Variants in CDH18 observed in about 807,000 individuals in gnomAD.
The protein encoded by CDH18 is cadherin 18, also known as cadherin-18.
A neutral mutation model predicts 67.9 loss-of-function variants in CDH18; 31 were observed. The ratio of observed to expected loss-of-function variants is 0.46; its 90% CI spans 0.34 to 0.62. The LOEUF is 0.62. Ranked by LOEUF, CDH18 falls within the 20% of genes least tolerant of loss-of-function variation. The pLI, the probability that CDH18 is intolerant of heterozygous loss-of-function variation, is 0.01. For missense variants in CDH18, 890 were observed against 975.5 expected (o/e 0.91, Z 1.17); for synonymous variants, 362 against 347.2 (o/e 1.04, Z -0.48).
At chr5:19,880,612 A>G (rs1291110578) in intron 2 of CDH18, among the ~76,000 whole-genome samples, 3 of 152,124 alleles carry the variant, frequency 2.0e-5, no homozygotes, top group Admixed American at 2.0e-4. Context: ...CAAGAGATCA[A>G]TTTGGTGTAA....
chr5:19,589,510 C>T (rs1432064303), intron 7 of CDH18, among the ~76,000 whole-genome samples: 1 of 152,064 alleles, frequency 6.6e-6, no homozygotes, highest in Non-Finnish European at 1.5e-5. Context: ...TCCACATCCT[C>T]ATCCATTAAT....
chr5:19,621,008 T>A (rs1036568085), intron 5 of CDH18, among the ~76,000 whole-genome samples: 4 of 152,110 alleles, frequency 2.6e-5, no homozygotes, highest in African/African-American at 4.8e-5. Context: ...AGATGAACTA[T>A]CATGGGTAAG....
chr5:20,131,138 T>G lies in CDH18; in HGVS notation c.-518+124306A>C, dbSNP rs183917509. On this transcript the variant is annotated intron_variant, in intron 2 of 14. Coordinates refer to the CDH18 transcript ENST00000507958. Reference sequence around the variant, plus strand: ...TAATCCCTTCTTCATAAAAAGTCTCTACTTTCTTTTTAAAAATGTATTCTT... The same window carrying G: ...TAATCCCTTCTTCATAAAAAGTCTCGACTTTCTTTTTAAAAATGTATTCTT... Among the ~76,000 whole-genome samples, 5 of 152,264 alleles carry G rather than the reference T, an allele frequency of 3.3e-5. No homozygotes were observed. The South Asian group carries it at 6.2e-4, about 19-fold the overall frequency.
At chr5:20,091,417 G>T (rs2150560517) in intron 2 of CDH18, among the ~76,000 whole-genome samples, 1 of 152,182 alleles carries the variant, frequency 6.6e-6, no homozygotes, top group Middle Eastern at 3.4e-3. Flanking sequence ...CTTGAGCCCA[G>T]GAGTTTGAAG....
chr5:19,483,213 A>G, intron 12 of CDH18, 88 bp downstream of exon 12: 2 of 1,323,578 alleles, frequency 1.5e-6, no homozygotes, highest in Non-Finnish European at 2.1e-6. Flanking sequence ...TACCCACATT[A>G]TGGATGCCTA....
chr5:20,414,710 G>T (rs558558283), intron 1 of CDH18, among the ~76,000 whole-genome samples: 7 of 152,278 alleles, frequency 4.6e-5, no homozygotes, highest in African/African-American at 1.4e-4. Flanking sequence ...CAACAGGTAT[G>T]TGAAAAGGTG....
intron 10 of CDH18, among the ~76,000 whole-genome samples, chr5:19,511,010 C>T (rs1745030138): frequency 6.6e-6 from 1 of 152,124 alleles, no homozygotes; most frequent in Non-Finnish European, 1.5e-5. Flanking sequence ...TGGGGTTTTG[C>T]CATGTTGGGC....
At chr5:20,336,602 A>G (rs992609193) in intron 1 of CDH18, among the ~76,000 whole-genome samples, 3 of 151,786 alleles carry the variant, frequency 2.0e-5, no homozygotes, top group African/African-American at 7.3e-5. Flanking sequence ...CAGCGCCTGT[A>G]GTTCCAGCTA....
chr5:20,039,286 T>A (rs1335093319), intron 2 of CDH18, among the ~76,000 whole-genome samples: 1 of 152,148 alleles, frequency 6.6e-6, no homozygotes, highest in Non-Finnish European at 1.5e-5. Context: ...AATTTGTAGA[T>A]ACAATGCTAT....
At chr5:19,653,326 A>T (rs1404618049) in intron 5 of CDH18, among the ~76,000 whole-genome samples, 1 of 151,962 alleles carries the variant, frequency 6.6e-6, no homozygotes, top group Non-Finnish European at 1.5e-5. Context: ...GTTAGCGGCT[A>T]TTTCAGAACC....
chr5:19,662,398 G>A (rs1757304253), intron 5 of CDH18, among the ~76,000 whole-genome samples: 1 of 151,930 alleles, frequency 6.6e-6, no homozygotes, highest in African/African-American at 2.4e-5. Flanking sequence ...CTCTCAGAGT[G>A]TTTTTCTCAC....
rs773196816 is a variant in CDH18 at position 19,543,977 on chromosome 5, C to T, written c.1282G>A (p.Asp428Asn). ...TTGGCATCAATGTTGAAAAATCTGT[C>T]GTCTTCAACATTGTAGTTGATGAAG... Reference protein sequence around the residue: ...RYFINYNVEDDRFFNIDANTG... With the variant: ...RYFINYNVEDNRFFNIDANTG... The change falls in exon 9 of 13, where the codon GAC becomes AAC. Residue 428 changes from aspartate (D) to asparagine (N), a missense_variant. Asp to Asn is a conservative substitution (Grantham distance 23, BLOSUM62 1). This residue lies in a region of CDH18 where 656 missense variants were observed against 668.1 expected (regional missense o/e 0.98). Transcript: ENST00000382275. 35 of 1,586,082 alleles carry T rather than the reference C, an allele frequency of 2.2e-5. No individual in the cohort carries two copies. Among genetic ancestry groups the T allele is most frequent in the Middle Eastern group, 3.4e-4 (2 of 5,948 alleles).
At chr5:20,100,945 A>G (rs772308544) in intron 2 of CDH18, among the ~76,000 whole-genome samples, 10 of 152,086 alleles carry the variant, frequency 6.6e-5, no homozygotes, top group Non-Finnish European at 1.3e-4. Flanking sequence ...CTATTCATAT[A>G]AATCTGAGGA....
chr5:20,297,618 G>A (rs1422827323), intron 1 of CDH18, among the ~76,000 whole-genome samples: 1 of 152,200 alleles, frequency 6.6e-6, no homozygotes, highest in African/African-American at 2.4e-5. Flanking sequence ...TAAACTGGAT[G>A]CTGCTAAATA....
intron 1 of CDH18, among the ~76,000 whole-genome samples, chr5:20,352,962 T>C (rs1468736575): frequency 1.3e-5 from 2 of 152,242 alleles, no homozygotes; most frequent in Non-Finnish European, 2.9e-5. Context: ...GCTGTAGTTA[T>C]AAACACTAAT....
intron 10 of CDH18, among the ~76,000 whole-genome samples, chr5:19,508,865 C>A (rs796701896): frequency 7.8e-6 from 1 of 127,608 alleles, no homozygotes. Context: ...TCTTTCTTTT[C>A]TTTTTTTTTT....
intron 1 of CDH18, among the ~76,000 whole-genome samples, chr5:20,347,759 G>C (rs774989584): frequency 5.3e-5 from 8 of 152,138 alleles, no homozygotes; most frequent in Non-Finnish European, 8.8e-5. Flanking sequence ...AACCAAGAGG[G>C]AGTCAGTCAG....
chr5:20,161,274 C>T (rs1291634617), intron 2 of CDH18, among the ~76,000 whole-genome samples: 1 of 152,202 alleles, frequency 6.6e-6, no homozygotes, highest in Non-Finnish European at 1.5e-5. Flanking sequence ...AACTTGGTGT[C>T]TCACATGACA....
chr5:19,511,976 G>A (rs905219798), intron 10 of CDH18, among the ~76,000 whole-genome samples: 2 of 152,148 alleles, frequency 1.3e-5, no homozygotes, highest in Admixed American at 1.3e-4. Flanking sequence ...CACCAACCTA[G>A]AGGCCTAGGA....
Sources: gnomAD v4.1 joint callset for allele counts (sites outside exome capture counted in the v4.1 genomes callset) on GRCh38, gnomAD v4.1.1 for gene constraint, gnomAD v4.1.1 regional missense constraint, MANE v1.5 for transcripts, NCBI Gene and HGNC (gene_info 2026-07-23, HGNC 2026-07-21) for gene names.